The following CACNA1A variants were observed in gnomAD, a reference collection of about 807,000 sequenced individuals.
CACNA1A encodes calcium voltage-gated channel subunit alpha1 A, also known as voltage-dependent P/Q-type calcium channel subunit alpha-1A.
CACNA1A carries 57 observed loss-of-function variants against 262.4 expected under a neutral mutation model. The observed-to-expected ratio is 0.22, with a 90% confidence interval of 0.18 to 0.27. The LOEUF (loss-of-function observed/expected upper bound fraction) is 0.27. CACNA1A is among the 10% of genes least tolerant of loss of function. CACNA1A has a pLI of 1.00. For missense variants in CACNA1A, 2,526 were observed against 3,562.8 expected, an observed-to-expected ratio of 0.71 and a Z score of 7.41; for synonymous variants, 1,431 against 1,419.3, an observed-to-expected ratio of 1.01 and a Z score of -0.18.
chr19:13,492,740 C>T (rs1981045739), intron 1 of CACNA1A, among the ~76,000 whole-genome samples: 1 of 152,062 alleles, frequency 6.6e-6, no homozygotes, highest in Non-Finnish European at 1.5e-5. Context: ...AAACAAAATC[C>T]TCACCATAGT....
intron 31 of CACNA1A, among the ~76,000 whole-genome samples, chr19:13,240,601 T>C (rs959667377): frequency 4.0e-5 from 6 of 151,426 alleles, no homozygotes; most frequent in Non-Finnish European, 7.4e-5. Context: ...TGACTGTGTG[T>C]GCGCAGTGAT....
At chr19:13,503,248 T>A (rs1982601044) in intron 1 of CACNA1A, among the ~76,000 whole-genome samples, 1 of 152,012 alleles carries the variant, frequency 6.6e-6, no homozygotes, top group African/African-American at 2.4e-5. Context: ...AAATGAACCT[T>A]AGAAGTCAGG....
At chr19:13,211,113 C>T (rs914636373) in intron 43 of CACNA1A, 1 of 184,522 alleles carries the variant, frequency 5.4e-6, no homozygotes, top group South Asian at 1.0e-4. Context: ...CAGCAGCATG[C>T]ACGCTGGGTG....
chr19:13,401,551 TC>T (rs2059900813), intron 3 of CACNA1A, among the ~76,000 whole-genome samples: 1 of 152,134 alleles, frequency 6.6e-6, no homozygotes, highest in South Asian at 2.1e-4. Context: ...AGACTACATT[TC>T]CCAGCCTCCC....
chr19:13,422,648 A>C (rs78884984), intron 3 of CACNA1A, among the ~76,000 whole-genome samples: 5,418 of 152,226 alleles, frequency 0.036, 147 homozygotes, highest in Non-Finnish European at 0.051. Flanking sequence ...GTTTGTGTTC[A>C]GCTGGGGCCC....
At chr19:13,267,007 C>T (rs572346863) in intron 24 of CACNA1A, among the ~76,000 whole-genome samples, 6 of 152,288 alleles carry the variant, frequency 3.9e-5, no homozygotes, top group Non-Finnish European at 8.8e-5. Context: ...ATGCCTCCTT[C>T]GCAGGGAGTG....
At chr19:13,278,407 C>G (rs921204106) in intron 22 of CACNA1A, among the ~76,000 whole-genome samples, 1 of 152,194 alleles carries the variant, frequency 6.6e-6, no homozygotes, top group Non-Finnish European at 1.5e-5. Flanking sequence ...ATGCTTTCCC[C>G]CACATCCCAT....
intron 1 of CACNA1A, among the ~76,000 whole-genome samples, chr19:13,488,925 C>T (rs1876487650): frequency 1.3e-5 from 2 of 151,380 alleles, no homozygotes; most frequent in African/African-American, 4.9e-5. Context: ...CACTAAGCCA[C>T]ACAGGGTCAT....
chr19:13,311,479 TTTG>T (rs1303878763), intron 12 of CACNA1A, among the ~76,000 whole-genome samples: 2 of 152,352 alleles, frequency 1.3e-5, no homozygotes, highest in Non-Finnish European at 2.9e-5. Context: ...TTGTATGTAT[TTTG>T]TTTTCTCCAA....
chr19:13,481,631 G>C (rs1360076973), intron 1 of CACNA1A, among the ~76,000 whole-genome samples: 1 of 152,114 alleles, frequency 6.6e-6, no homozygotes, highest in African/African-American at 2.4e-5. Context: ...GACCAGATTG[G>C]AGTCAGGCGG....
Position 13,299,278 on chromosome 19 carries a change from G to T in CACNA1A, c.2355C>A (p.Asn785Lys). 1 of 1,604,902 alleles carries T rather than the reference G, an allele frequency of 6.2e-7. No homozygotes were observed. Among genetic ancestry groups the T allele is most frequent in the Non-Finnish European group, 8.5e-7 (1 of 1,179,856 alleles). The change falls in exon 19 of 47, where the codon AAC becomes AAA. Residue 785 changes from asparagine to lysine, a missense_variant. Around this residue, in one of 17 missense-constraint regions of CACNA1A, gnomAD observed 765 missense variants for 748.6 expected, o/e 1.02. Coordinates refer to ENST00000360228, the MANE Select transcript of CACNA1A (RefSeq NM_001127222.2). ...EQRTSEMRKQ[N>K]LLASREALYN... The stretch of plus-strand genomic sequence containing the variant: ...ACAGGGCCTCCCGGCTGGCCAGCAA[G>T]TTCTGCTTTCGCATCTCACTGGTCC...
At chr19:13,215,751 G>A (rs900062717) in intron 38 of CACNA1A, among the ~76,000 whole-genome samples, 5 of 151,804 alleles carry the variant, frequency 3.3e-5, no homozygotes, top group African/African-American at 1.2e-4. Flanking sequence ...TGAGTAGCTG[G>A]GACTACAGGC....
rs1491475435 is a variant in CACNA1A at position 13,212,848 on chromosome 19, A to ACACACACACACACACACACT, written c.5941-109_5941-108insAGTGTGTGTGTGTGTGTGTG. 2 of 542,038 alleles carry ACACACACACACACACACACT rather than the reference A, an allele frequency of 3.7e-6. No homozygotes were observed. Among genetic ancestry groups the ACACACACACACACACACACT allele is most frequent in the African/African-American group, 2.0e-5 (1 of 50,996 alleles). The allele number at this position is 542,038 out of a possible 1,614,324, so 33.6% of individuals were successfully genotyped here. A position where few individuals can be genotyped will look rare whatever the true frequency, so the allele number is the denominator to read the frequency against. On this transcript the variant is annotated intron_variant, in intron 40 of 46. Coordinates refer to ENST00000360228, the MANE Select transcript of CACNA1A (RefSeq NM_001127222.2). This position sits in a 1 kb window ranked among gnomAD's most constrained non-coding sequence, Gnocchi z 5.6. The stretch of plus-strand genomic sequence containing the variant: ...AGTATACACACACACACACACACAC[A>ACACACACACACACACACACT]CTCTCTCAGGTCTCATCCATCTAGA...
chr19:13,298,660 G>GCCCTCC lies in CACNA1A; in HGVS notation c.2972_2973insGGAGGG (p.Glu994_Gly995dup), dbSNP rs2057722267. 3 of 1,498,526 alleles carry GCCCTCC rather than the reference G, an allele frequency of 2.0e-6. No individual in the cohort carries two copies. Among genetic ancestry groups the GCCCTCC allele is most frequent in the Non-Finnish European group, 2.7e-6 (3 of 1,124,732 alleles). The allele number at this position is 1,498,526 out of a possible 1,614,324, so 92.8% of individuals were successfully genotyped here. A position where few individuals can be genotyped will look rare whatever the true frequency, so the allele number is the denominator to read the frequency against. On this transcript the variant is annotated inframe_insertion, in exon 19 of 47. Transcript: ENST00000360228. ...CGCCCCCGTCGGGGCCCTCGCCCTC[G>GCCCTCC]CCCTCGCCGCCCCGGGCCGGCCGGC... is the stretch of plus-strand genomic sequence containing the variant.
chr19:13,334,471 G>A lies in CACNA1A; in HGVS notation c.1105C>T (p.Arg369Trp), dbSNP rs1057524457. ...LSGEFAKERE[R>W]VENRRAFLKL... Reference sequence around the variant, plus strand: ...AGAAAAGCCCGCCGGTTCTCCACCCGTTCCCTTTCTTTGGCAAACTCCCTG... The same window carrying A: ...AGAAAAGCCCGCCGGTTCTCCACCCATTCCCTTTCTTTGGCAAACTCCCTG... Residue 369 changes from arginine (R) to tryptophan (W), a missense_variant, in exon 8 of 47, where the codon CGG (arginine) becomes TGG (tryptophan). Physicochemically the swap from Arg to Trp is moderately radical, Grantham distance 101 (BLOSUM62 -3). Transcript: ENST00000360228. The A allele has an allele frequency of 1.1e-5, 18 of 1,610,600 alleles. No individual in the cohort carries two copies. The highest frequency in any genetic ancestry group is 1.4e-5 in the Non-Finnish European group (17 of 1,177,136).
At chr19:13,219,623 C>T (rs909441638) in intron 38 of CACNA1A, among the ~76,000 whole-genome samples, 5 of 152,104 alleles carry the variant, frequency 3.3e-5, no homozygotes, top group Admixed American at 3.3e-4. Context: ...AATCTAGGGA[C>T]CATTGCCCAG....
intron 31 of CACNA1A, among the ~76,000 whole-genome samples, chr19:13,239,203 C>T (rs548509884): frequency 5.1e-4 from 78 of 152,028 alleles, no homozygotes; most frequent in Non-Finnish European, 9.3e-4. Flanking sequence ...AGCCCCGGGT[C>T]CTGTCCCCTT....
At chr19:13,337,364 G>C (rs549677718) in intron 6 of CACNA1A, among the ~76,000 whole-genome samples, 334 of 152,230 alleles carry the variant, frequency 2.2e-3, no homozygotes, top group African/African-American at 7.5e-3. Flanking sequence ...TTGGCTTGTA[G>C]AGGCATCATC....
At chr19:13,243,871 C>T (rs570356629) in intron 31 of CACNA1A, 1 of 152,526 alleles carries the variant, frequency 6.6e-6, no homozygotes, top group South Asian at 2.1e-4. Context: ...GGTCAGTTTT[C>T]CCATCTGTGA....
Sources: allele counts gnomAD v4.1 joint callset (sites outside exome capture counted in the v4.1 genomes callset), GRCh38; gene constraint gnomAD v4.1.1; regional missense constraint gnomAD v4.1.1; non-coding constraint Gnocchi (gnomAD v3.1); transcripts MANE v1.5; gene names NCBI Gene and HGNC (gene_info 2026-07-23, HGNC 2026-07-21).